The following GBP4 variants were observed in gnomAD, a reference collection of about 807,000 sequenced individuals.
The protein encoded by GBP4 is guanylate-binding protein 4.
A neutral mutation model predicts 62.2 loss-of-function variants in GBP4; 69 were observed. The observed-to-expected ratio is 1.11, with a 90% CI of 0.91 to 1.36. The LOEUF (loss-of-function observed/expected upper bound fraction) is 1.36. GBP4 is among the 40% of genes most tolerant of loss of function. The pLI is 0.00. For synonymous variants in GBP4, 278 were observed against 274.6 expected (o/e 1.01, Z -0.12); for missense variants, 697 against 759.3 (o/e 0.92, Z 0.96).
chr1:89,190,117 G>A lies in GBP4; in HGVS notation c.1118C>T (p.Ala373Val). The change falls in exon 7 of 11, where the codon GCC (alanine) becomes GTC (valine). Residue 373 changes from alanine (A) to valine (V), a missense_variant. Around this residue, in one of 2 missense-constraint regions of GBP4, gnomAD observed 556 missense variants for 562.7 expected, o/e 0.99. Coordinates refer to ENST00000355754, the MANE Select transcript of GBP4 (RefSeq NM_052941.5). ...TLQELLDVHA[A>V]CEREAIAVFM... ...GACTGCAATGGCTTCCCTCTCACAG[G>A]CTGCATGCACGTCCAGCAGCTCCTG... The A allele has an allele frequency of 6.2e-7, 1 of 1,614,126 alleles. No homozygotes were observed. Among genetic ancestry groups the A allele is most frequent in the South Asian group, 1.1e-5 (1 of 91,072 alleles).
Position 89,193,305 on chromosome 1 carries a change from C to T in GBP4, c.471G>A (p.Leu157=), listed in dbSNP as rs751418403. The T allele has an allele frequency of 1.2e-6, 2 of 1,613,580 alleles. No homozygotes were observed. Among genetic ancestry groups the T allele is most frequent in the East Asian group, 2.2e-5 (1 of 44,880 alleles). The change falls in exon 4 of 11, where the codon CTG becomes CTA. Residue 157 remains leucine (L), a splice_region_variant and synonymous_variant. Transcript: ENST00000355754. Reference sequence around the variant, plus strand: ...CTCTTCACTTCCCAGAAGGATACTGCAGCTGCTCCAGGGCCTGGTGGTTGA... The same window carrying T: ...CTCTTCACTTCCCAGAAGGATACTGTAGCTGCTCCAGGGCCTGGTGGTTGA... ...STINHQALEQ[L]HYVTELAELI...
chr1:89,182,472 T>C lies in GBP4; in HGVS notation c.*2782A>G, dbSNP rs1391717275. ...CTATGAATAACATCGGTTTCTAAGT[T>C]ATGAGTTGATTTTTTTTTTTTTTTT... On this transcript the variant is annotated 3_prime_UTR_variant, in exon 11 of 11. Coordinates refer to ENST00000355754, the MANE Select transcript of GBP4 (RefSeq NM_052941.5). The C allele has an allele frequency of 6.9e-6, 1 of 145,820 alleles. No individual in the cohort carries two copies. Among genetic ancestry groups the C allele is most frequent in the East Asian group, 2.1e-4 (1 of 4,850 alleles). The allele number at this position is 145,820 out of a possible 1,614,324, so 9.0% of individuals were successfully genotyped here. A position where few individuals can be genotyped will look rare whatever the true frequency, so the allele number is the denominator to read the frequency against.
At chr1:89,186,664 T>A in intron 9 of GBP4, 138 bp from the exon 10 acceptor site, 1 of 796,296 alleles carries the variant, frequency 1.3e-6, no homozygotes, top group East Asian at 2.7e-5. Flanking sequence ...TCACTAGCCA[T>A]GTCTGGAAGA....
intron 9 of GBP4, 131 bp from the exon 10 acceptor site, chr1:89,186,657 C>G (rs1570372445): frequency 1.2e-6 from 1 of 815,076 alleles, no homozygotes; most frequent in Non-Finnish European, 1.9e-6. Flanking sequence ...AATTATCTCA[C>G]TAGCCATGTC....
chr1:89,190,003 G>T (rs1648136557), intron 7 of GBP4, 35 bp downstream of exon 7: 3 of 1,572,806 alleles, frequency 1.9e-6, no homozygotes, highest in Non-Finnish European at 2.6e-6. Context: ...CATTTCGGAA[G>T]GGCAGAAATC....
intron 5 of GBP4, 35 bp downstream of exon 5, chr1:89,192,869 C>A (rs1056261263): frequency 6.3e-7 from 1 of 1,599,746 alleles, no homozygotes; most frequent in South Asian, 1.1e-5. Flanking sequence ...CTACCCCCCA[C>A]TGAACCTTCC....
chr1:89,193,205 C>T, intron 4 of GBP4, 98 bp downstream of exon 4: 2 of 1,527,858 alleles, frequency 1.3e-6, no homozygotes, highest in Non-Finnish European at 1.8e-6. Flanking sequence ...TCTTTTCTTA[C>T]TCAACCAGGA....
rs1323770700 is a variant in GBP4 at position 89,191,252 on chromosome 1, A to G, written c.916+9T>C. 3 of 1,609,156 alleles carry G rather than the reference A, an allele frequency of 1.9e-6. No individual in the cohort carries two copies. In the East Asian group the frequency reaches 6.7e-5, roughly 36 times the overall value. On this transcript the variant is annotated intron_variant, in intron 6 of 10. Transcript: ENST00000355754. ...AGACAGACATGCTTTGGGACAAAAAAAGACTCACGCTTTCCAGTGACAATG... is the reference window on the plus strand; with the variant it reads ...AGACAGACATGCTTTGGGACAAAAAGAGACTCACGCTTTCCAGTGACAATG...
chr1:89,194,394 GA>G (rs141869872), intron 3 of GBP4, among the ~76,000 whole-genome samples: 4,511 of 152,250 alleles, frequency 0.03, 68 homozygotes, highest in Middle Eastern at 0.048. Context: ...AACGTAATTA[GA>G]CACAAAGAAG....
intron 8 of GBP4, among the ~76,000 whole-genome samples, chr1:89,188,148 G>C (rs1032335092): frequency 1.5e-4 from 19 of 126,782 alleles, no homozygotes; most frequent in African/African-American, 6.0e-4. Flanking sequence ...TCTGATATAG[G>C]AAGTGAATCA....
chr1:89,193,380 G>T lies in GBP4; in HGVS notation c.396C>A (p.Ala132=). 1 of 1,614,038 alleles carries T rather than the reference G, an allele frequency of 6.2e-7. No individual in the cohort carries two copies. Among genetic ancestry groups the T allele is most frequent in the Non-Finnish European group, 8.5e-7 (1 of 1,179,990 alleles). The change falls in exon 4 of 11, where the codon GCC becomes GCA. Residue 132 remains alanine, a synonymous_variant. Transcript: ENST00000355754. ...AGCTGCTGCTTAGAAGCACAGCCAGGGCAAAGATCCACGAGTCATTCTTAG... is the reference window on the plus strand; with the variant it reads ...AGCTGCTGCTTAGAAGCACAGCCAGTGCAAAGATCCACGAGTCATTCTTAG... The part of the protein sequence containing the change: ...SNPKNDSWIF[A]LAVLLSSSFV...
At chr1:89,189,524 C>T (rs1648123226) in intron 7 of GBP4, among the ~76,000 whole-genome samples, 1 of 152,192 alleles carries the variant, frequency 6.6e-6, no homozygotes, top group African/African-American at 2.4e-5. Context: ...TTGTGTAGCA[C>T]AAGTTGACTT....
chr1:89,191,048 T>G (rs541025385), intron 6 of GBP4, among the ~76,000 whole-genome samples: 1 of 152,194 alleles, frequency 6.6e-6, no homozygotes, highest in African/African-American at 2.4e-5. Context: ...ATGCCATTAG[T>G]GTATTAATTT....
intron 5 of GBP4, among the ~76,000 whole-genome samples, chr1:89,192,192 T>C (rs1466287952): frequency 6.6e-6 from 1 of 152,196 alleles, no homozygotes; most frequent in Non-Finnish European, 1.5e-5. Context: ...GTTGAAAGGA[T>C]GAATAAATGA....
intron 10 of GBP4, among the ~76,000 whole-genome samples, chr1:89,186,056 TG>T (rs1260947537): frequency 2.6e-5 from 4 of 152,174 alleles, no homozygotes; most frequent in Non-Finnish European, 4.4e-5. Flanking sequence ...CCTATTTCAT[TG>T]GGGCACAGTG....
chr1:89,190,849 C>T (rs182031653), intron 6 of GBP4, among the ~76,000 whole-genome samples: 22 of 152,046 alleles, frequency 1.4e-4, no homozygotes, highest in Non-Finnish European at 2.9e-4. Flanking sequence ...TGAAGCTAGC[C>T]CCGTACTTAA....
chr1:89,198,716 G>A, intron 1 of GBP4, 79 bp downstream of exon 1: 5 of 1,218,764 alleles, frequency 4.1e-6, no homozygotes, highest in East Asian at 2.3e-5. Flanking sequence ...CTCCCCGTGT[G>A]CAGTCTGCGC....
At chr1:89,189,816 G>A (rs1001313485) in intron 7 of GBP4, among the ~76,000 whole-genome samples, 4 of 152,214 alleles carry the variant, frequency 2.6e-5, no homozygotes, top group African/African-American at 7.2e-5. Flanking sequence ...AACGTGTGTT[G>A]TTTTAAGCTG....
In GBP4 at chr1:89,182,923, T is replaced by G. The variant is rs1482630394; in HGVS notation, c.*2331A>C. The G allele has an allele frequency of 6.6e-6, 1 of 152,184 alleles. No homozygotes were observed. Among genetic ancestry groups the G allele is most frequent in the African/African-American group, 2.4e-5 (1 of 41,438 alleles). The allele number at this position is 152,184 out of a possible 1,614,324, so 9.4% of individuals were successfully genotyped here. ...AAACAATATAAGAAGGTCTCTCTCT[T>G]CCCTCAATTCTAGCTGCAAGTTTTG... On this transcript the variant is annotated 3_prime_UTR_variant, in exon 11 of 11. Transcript: ENST00000355754.
Sources: allele counts gnomAD v4.1 joint callset (sites outside exome capture counted in the v4.1 genomes callset), GRCh38; gene constraint gnomAD v4.1.1; regional missense constraint gnomAD v4.1.1; transcripts MANE v1.5; gene names NCBI Gene and HGNC (gene_info 2026-07-23, HGNC 2026-07-21).